CCDC30: variants seen among roughly 807,000 people sequenced by gnomAD.
CCDC30 encodes coiled-coil domain-containing protein 30.
A neutral mutation model predicts 100.2 loss-of-function variants in CCDC30; 70 were observed. The observed-to-expected ratio is 0.70, with a 90% confidence interval of 0.58 to 0.85. The LOEUF (loss-of-function observed/expected upper bound fraction) is 0.85, where lower values mean the gene tolerates loss of function less well. Among genes scored for constraint, CCDC30 ranks in the 40% least tolerant of loss-of-function variants. CCDC30 has a pLI of 0.00. For missense variants in CCDC30, 652 were observed against 771.2 expected (o/e 0.85, Z 1.83); for synonymous variants, 233 against 269.5 (o/e 0.86, Z 1.33).
chr1:42,560,391 T>C (rs1300539482), intron 6 of CCDC30, among the ~76,000 whole-genome samples: 1 of 152,026 alleles, frequency 6.6e-6, no homozygotes, highest in Non-Finnish European at 1.5e-5. Context: ...TGTTGTTGAG[T>C]CAGAGTCTTG....
At chr1:42,606,928 T>C (rs1157852207) in intron 10 of CCDC30, among the ~76,000 whole-genome samples, 1 of 152,236 alleles carries the variant, frequency 6.6e-6, no homozygotes, top group Admixed American at 6.5e-5. Flanking sequence ...GCAGCTGTGC[T>C]AGCAGGCGTA....
chr1:42,641,912 A>G (rs562840676), intron 12 of CCDC30, among the ~76,000 whole-genome samples: 9 of 152,192 alleles, frequency 5.9e-5, no homozygotes, highest in African/African-American at 2.2e-4. Flanking sequence ...TTTCAGGGTC[A>G]TGAAAAAGAA....
intron 15 of CCDC30, among the ~76,000 whole-genome samples, chr1:42,647,513 A>G (rs551168452): frequency 6.6e-6 from 1 of 152,240 alleles, no homozygotes; most frequent in Non-Finnish European, 1.5e-5. Context: ...CCAACTCTCC[A>G]TAATGGACAG....
intron 9 of CCDC30, among the ~76,000 whole-genome samples, chr1:42,584,665 G>A (rs1646034288): frequency 6.6e-6 from 1 of 152,138 alleles, no homozygotes; most frequent in South Asian, 2.1e-4. Context: ...TACTATTGTT[G>A]TCATTATCAT....
chr1:42,502,700 C>A (rs372192853), intron 6 of CCDC30, among the ~76,000 whole-genome samples: 3 of 152,154 alleles, frequency 2.0e-5, no homozygotes, highest in Admixed American at 6.5e-5. Flanking sequence ...TTCTACCTGC[C>A]CCCTCCCCCC....
In CCDC30 at chr1:42,523,633, A is replaced by C. The variant is rs140118493; in HGVS notation, c.456+24717A>C. ...TTGGTTGTTTGTATTCATGCCTTTC[A>C]TCAAATTTAGGAAGTTTTCACCCAT... On this transcript the variant is annotated intron_variant, in intron 6 of 16. Coordinates refer to ENST00000668663, the Ensembl canonical transcript of CCDC30. 7.2e-5 allele frequency among the ~76,000 whole-genome samples: 11 copies of C among 152,076 alleles called. No homozygotes were observed. The East Asian group carries it at 2.1e-3, about 29-fold the overall frequency.
intron 11 of CCDC30, among the ~76,000 whole-genome samples, chr1:42,614,784 C>CT (rs1398900456): frequency 1.1e-3 from 165 of 144,282 alleles, no homozygotes; most frequent in African/African-American, 4.1e-3. Context: ...AAGACTCCAT[C>CT]TCGAAAAAAA....
rs77579168 is a variant in CCDC30 at position 42,577,458 on chromosome 1, G to A, written c.846+229G>A. On this transcript the variant is annotated intron_variant, in intron 8 of 16. Coordinates refer to ENST00000668663, the Ensembl canonical transcript of CCDC30. ...TTAAAAAGGTCAGTTTTATTAAAGC[G>A]ATAACATGAACTTAAAGAACTGACT... 4.2e-3 allele frequency among the ~76,000 whole-genome samples: 643 copies of A among 151,964 alleles called. 2 individuals are homozygous for A. Among genetic ancestry groups the A allele is most frequent in the African/African-American group, 0.014 (598 of 41,326 alleles).
At chr1:42,649,579 T>C (rs1256129598) in intron 15 of CCDC30, among the ~76,000 whole-genome samples, 3 of 152,150 alleles carry the variant, frequency 2.0e-5, no homozygotes, top group South Asian at 2.1e-4. Flanking sequence ...CTATTTCATA[T>C]ATACTGGAAA....
chr1:42,533,550 A>G (rs1238757922), intron 6 of CCDC30, among the ~76,000 whole-genome samples: 1 of 152,198 alleles, frequency 6.6e-6, no homozygotes, highest in East Asian at 1.9e-4. Context: ...CTCATTTTCT[A>G]CACCATAACA....
intron 11 of CCDC30, among the ~76,000 whole-genome samples, chr1:42,616,814 G>C (rs1482038682): frequency 6.6e-6 from 1 of 152,196 alleles, no homozygotes. Context: ...CTCACCAGCT[G>C]TACTGCATCA....
At chr1:42,591,440 C>G (rs1450214195) in intron 10 of CCDC30, 1 of 152,458 alleles carries the variant, frequency 6.6e-6, no homozygotes, top group Non-Finnish European at 1.5e-5. Flanking sequence ...CTCAGGCTGC[C>G]TGTCCAGAGG....
At chr1:42,498,854 G>C (rs989896429) in exon 6 of CCDC30, 1 of 1,233,922 alleles carries the variant, frequency 8.1e-7, no homozygotes, top group African/African-American at 1.6e-5. Context: ...TGAATCTCAA[G>C]AGAATAAGCA....
chr1:42,644,571 T>C, intron 13 of CCDC30, 122 bp from the exon 18 acceptor site: 1 of 629,960 alleles, frequency 1.6e-6, no homozygotes, highest in Non-Finnish European at 2.8e-6. Context: ...TCTGTCAAAC[T>C]TGCTTCTAAA....
intron 7 of CCDC30, among the ~76,000 whole-genome samples, chr1:42,574,461 G>T (rs1645793527): frequency 6.6e-6 from 1 of 151,882 alleles, no homozygotes; most frequent in Admixed American, 6.6e-5. Context: ...AAGAAGAAAA[G>T]ATATATAATG....
chr1:42,576,869 C>A, intron 7 of CCDC30, 151 bp from the exon 12 acceptor site: 1 of 611,002 alleles, frequency 1.6e-6, no homozygotes, highest in Non-Finnish European at 2.9e-6. Context: ...ACTTTGGAAA[C>A]TCTTACATGG....
chr1:42,549,268 A>G (rs992217827), intron 6 of CCDC30, among the ~76,000 whole-genome samples: 10 of 152,212 alleles, frequency 6.6e-5, no homozygotes, highest in Admixed American at 3.9e-4. Flanking sequence ...CAGCTAAAAT[A>G]AGTTTGAAAA....
At chr1:42,605,739 G>A (rs913548846) in intron 10 of CCDC30, among the ~76,000 whole-genome samples, 3 of 151,938 alleles carry the variant, frequency 2.0e-5, no homozygotes, top group Non-Finnish European at 4.4e-5. Context: ...CACCTGCCTC[G>A]GCCTCCCAAA....
In CCDC30 at chr1:42,644,772, C is replaced by T. The variant is rs944852189; in HGVS notation, c.1636C>T (p.Arg546Ter). 2.5e-6 allele frequency: 4 copies of T among 1,612,694 alleles called. No homozygotes were observed. Among genetic ancestry groups the T allele is most frequent in the Admixed American group, 3.3e-5 (2 of 60,000 alleles). ...CACACAGCAGATTGGCTTCTTAGAG[C>T]GAATTATAAGGAGCATCCATATTCG... Residue 546 changes from arginine (R) to a stop codon, truncating the protein, a stop_gained, in exon 14 of 17, where the codon CGA (arginine) becomes TGA (stop). Coordinates refer to ENST00000668663, the Ensembl canonical transcript of CCDC30. LOFTEE classifies it high-confidence loss of function.
Sources: gnomAD v4.1 joint callset for allele counts (sites outside exome capture counted in the v4.1 genomes callset) on GRCh38, gnomAD v4.1.1 for gene constraint, MANE v1.5 for transcripts, NCBI Gene and HGNC (gene_info 2026-07-23, HGNC 2026-07-21) for gene names.